The following GLB1 variants were observed in gnomAD, a reference collection of about 807,000 sequenced individuals.
GLB1 encodes the protein galactosidase beta 1.
In GLB1, 56 loss-of-function variants were observed where a neutral mutation model predicts 74.0. The ratio of observed to expected loss-of-function variants is 0.76; its 90% CI spans 0.61 to 0.94. The LOEUF is 0.94. GLB1 is among the 40% of genes least tolerant of loss of function. The pLI is 0.00. For missense variants in GLB1, 787 were observed against 845.5 expected (o/e 0.93, Z 0.86); for synonymous variants, 323 against 323.6 (o/e 1.00, Z 0.02).
chr3:32,966,244 A>T, the GLB1 span, among the ~76,000 whole-genome samples: 18 of 152,232 alleles, frequency 1.2e-4, no homozygotes, highest in Non-Finnish European at 2.5e-4. Context: ...ATACCCTGCA[A>T]AGCCACAGGG....
At chr3:32,972,497 A>G in the GLB1 span, among the ~76,000 whole-genome samples, 1 of 152,164 alleles carries the variant, frequency 6.6e-6, no homozygotes, top group Non-Finnish European at 1.5e-5. Context: ...GGAGGATTCA[A>G]AACCCTCATT....
intron 10 of GLB1, among the ~76,000 whole-genome samples, chr3:33,024,673 C>T (rs572324068): frequency 3.3e-5 from 5 of 152,294 alleles, no homozygotes; most frequent in Middle Eastern, 3.4e-3. Context: ...TGAAGGGAGA[C>T]AGCCTATCAT....
chr3:33,072,916 G>A (rs1035864335), intron 1 of GLB1, among the ~76,000 whole-genome samples: 5 of 152,120 alleles, frequency 3.3e-5, no homozygotes, highest in African/African-American at 1.2e-4. Flanking sequence ...TCATCTAAGA[G>A]GATCCACATG....
At chr3:32,988,959 G>A in the GLB1 span, among the ~76,000 whole-genome samples, 1 of 137,692 alleles carries the variant, frequency 7.3e-6, no homozygotes, top group Non-Finnish European at 1.5e-5. Context: ...ACAATTTTAG[G>A]GTACAAAACC....
At position 33,072,166 on chromosome 3, in the gene GLB1, T is replaced by C. The variant is rs1699909905; in HGVS notation, c.245+378A>G. ...CTAGCTGAACCTCTGACCAAAGATA[T>C]GGCCTTGGGCAAATTTCAGTTTCAC... On this transcript the variant is annotated intron_variant, in intron 2 of 15. Transcript: ENST00000307363. 3.3e-5 allele frequency among the ~76,000 whole-genome samples: 5 copies of C among 152,212 alleles called. No individual in the cohort carries two copies. In the South Asian group the frequency reaches 1.0e-3, roughly 32 times the overall value.
intron 6 of GLB1, among the ~76,000 whole-genome samples, chr3:33,055,202 G>A (rs1371139721): frequency 6.6e-6 from 1 of 152,226 alleles, no homozygotes; most frequent in Non-Finnish European, 1.5e-5. Context: ...TCTGCCCCAG[G>A]CACCCTGGCC....
intron 10 of GLB1, among the ~76,000 whole-genome samples, chr3:33,026,495 G>A (rs942633014): frequency 1.3e-5 from 2 of 152,042 alleles, no homozygotes; most frequent in African/African-American, 2.4e-5. Flanking sequence ...ACAGGCTCCT[G>A]GGTGGAAGGG....
At chr3:33,067,162 C>T (rs563418472) in intron 4 of GLB1, among the ~76,000 whole-genome samples, 2 of 152,076 alleles carry the variant, frequency 1.3e-5, no homozygotes, top group Admixed American at 6.5e-5. Context: ...ACCACCACAC[C>T]CAGCTAATTT....
In GLB1 at chr3:33,057,683, C is replaced by T. The variant is rs549286971; in HGVS notation, c.733+406G>A. 1.8e-4 allele frequency among the ~76,000 whole-genome samples: 28 copies of T among 152,326 alleles called. No individual in the cohort carries two copies. In the East Asian group the frequency reaches 3.1e-3, roughly 17 times the overall value. On this transcript the variant is annotated intron_variant, in intron 6 of 15. Coordinates refer to ENST00000307363, the MANE Select transcript of GLB1 (RefSeq NM_000404.4). ...GTTGGCTACAGCCAAGGCATAACCC[C>T]GAGTGTCCTGCCAAGGTGGGAGGAC...
intron 10 of GLB1, among the ~76,000 whole-genome samples, chr3:33,043,422 T>C (rs1698584877): frequency 6.6e-6 from 1 of 151,992 alleles, no homozygotes; most frequent in South Asian, 2.1e-4. Context: ...ATGTCACACT[T>C]AAATGGTAAC....
chr3:33,038,648 TC>T (rs1464440431), intron 10 of GLB1, among the ~76,000 whole-genome samples: 1 of 152,156 alleles, frequency 6.6e-6, no homozygotes, highest in Non-Finnish European at 1.5e-5. Context: ...GAACACAACT[TC>T]TGGGAGTCTT....
intron 1 of GLB1, among the ~76,000 whole-genome samples, chr3:33,074,094 C>T (rs11129544): frequency 0.1 from 15,526 of 149,160 alleles, 1,066 homozygotes; most frequent in East Asian, 0.36. Context: ...AATCCCTGCA[C>T]TTTGGGAGGC....
At chr3:33,035,671 G>C (rs59482503) in intron 10 of GLB1, among the ~76,000 whole-genome samples, 1 of 151,974 alleles carries the variant, frequency 6.6e-6, no homozygotes, top group Non-Finnish European at 1.5e-5. Context: ...GAGGACCCTC[G>C]CCAGAACCTA....
chr3:33,053,728 C>T (rs764039674), intron 6 of GLB1, among the ~76,000 whole-genome samples, 179 bp from the exon 7 acceptor site: 26 of 152,310 alleles, frequency 1.7e-4, no homozygotes, highest in Non-Finnish European at 3.1e-4. Context: ...GGTGAGGCCA[C>T]TGGAAGTGAT....
intron 2 of GLB1, among the ~76,000 whole-genome samples, chr3:33,071,115 C>T (rs1273100318): frequency 6.6e-6 from 1 of 152,152 alleles, no homozygotes; most frequent in Non-Finnish European, 1.5e-5. Context: ...AATATGGAGC[C>T]ATCCATTACC....
At chr3:33,091,994 T>C in intron 1 of GLB1, 1 of 983,996 alleles carries the variant, frequency 1.0e-6, no homozygotes, top group Non-Finnish European at 1.2e-6. Flanking sequence ...GCCTGTGCCC[T>C]ATCTCTCTTT....
chr3:33,079,800 C>T (rs1700260048), intron 1 of GLB1, among the ~76,000 whole-genome samples: 1 of 152,112 alleles, frequency 6.6e-6, no homozygotes, highest in Non-Finnish European at 1.5e-5. Flanking sequence ...GTTTTTGAGT[C>T]AGGGTCTTTC....
chr3:33,089,803 A>G (rs1274713081), intron 1 of GLB1, among the ~76,000 whole-genome samples: 3 of 152,234 alleles, frequency 2.0e-5, no homozygotes, highest in African/African-American at 7.2e-5. Flanking sequence ...TGCAAGATGA[A>G]AAAGTTCTAC....
At position 33,093,455 on chromosome 3, in the gene GLB1, G is replaced by C. The variant is rs1409270772; in HGVS notation, c.75+3556C>G. Reference sequence around the variant, plus strand: ...GCAGGACCGAGGCTTCTGAGTCGGAGAGGTCACCCACAATCACCGTGATGT... The same window carrying C: ...GCAGGACCGAGGCTTCTGAGTCGGACAGGTCACCCACAATCACCGTGATGT... On this transcript the variant is annotated intron_variant, in intron 1 of 15. Coordinates refer to ENST00000307363, the MANE Select transcript of GLB1 (RefSeq NM_000404.4). The surrounding 1 kb of genome is among the most constrained non-coding windows in gnomAD (Gnocchi z 6.0). The C allele has an allele frequency of 3.7e-6, 6 of 1,614,132 alleles. No individual in the cohort carries two copies. In the Admixed American group the frequency reaches 6.7e-5, roughly 18 times the overall value.
Sources: allele counts gnomAD v4.1 joint callset (sites outside exome capture counted in the v4.1 genomes callset), GRCh38; gene constraint gnomAD v4.1.1; non-coding constraint Gnocchi (gnomAD v3.1); transcripts MANE v1.5; gene names NCBI Gene and HGNC (gene_info 2026-07-23, HGNC 2026-07-21).